The following DNAAF9 variants were observed in gnomAD, a reference collection of about 807,000 sequenced individuals.
DNAAF9 encodes dynein axonemal assembly factor 9.
Under a neutral mutation model 167.0 loss-of-function variants are expected in DNAAF9, and 90 were observed. That is an observed-to-expected ratio of 0.54 (90% CI 0.45 to 0.64). DNAAF9 has a LOEUF of 0.64. DNAAF9 is among the 30% of genes least tolerant of loss of function. DNAAF9 has a pLI of 0.00. For missense variants in DNAAF9, 1,315 were observed against 1,442.2 expected (o/e 0.91, Z 1.43); for synonymous variants, 491 against 508.8 (o/e 0.96, Z 0.47).
chr20:3,291,088 C>T (rs1345537200), intron 25 of DNAAF9, among the ~76,000 whole-genome samples: 1 of 151,930 alleles, frequency 6.6e-6, no homozygotes, highest in Non-Finnish European at 1.5e-5. Context: ...CGCACCTGGC[C>T]GACCAGGGCT....
chr20:3,304,679 C>T, intron 20 of DNAAF9, 136 bp from the exon 21 acceptor site: 2 of 604,044 alleles, frequency 3.3e-6, no homozygotes, highest in Admixed American at 3.2e-5. Flanking sequence ...GTATGCTGAG[C>T]CCTGTGCTCT....
At chr20:3,300,943 A>G (rs541969272) in intron 21 of DNAAF9, among the ~76,000 whole-genome samples, 139 of 151,458 alleles carry the variant, frequency 9.2e-4, no homozygotes, top group Non-Finnish European at 1.5e-3. Context: ...AACAGAGAAG[A>G]AAGTTTTAAA....
chr20:3,330,204 G>T (rs1159624618), intron 12 of DNAAF9, among the ~76,000 whole-genome samples: 2 of 152,152 alleles, frequency 1.3e-5, no homozygotes, highest in African/African-American at 4.8e-5. Context: ...AGAGAAACTT[G>T]GGAAACAACA....
chr20:3,344,590 T>TACACACACACACAC (rs4053351), intron 8 of DNAAF9, among the ~76,000 whole-genome samples: 12 of 144,628 alleles, frequency 8.3e-5, no homozygotes, highest in South Asian at 2.2e-4. Flanking sequence ...TACACACACA[T>TACACACACACACAC]ACACACACAC....
At chr20:3,304,396 G>A (rs371506818) in intron 21 of DNAAF9, 44 bp downstream of exon 21, 2 of 867,118 alleles carry the variant, frequency 2.3e-6, no homozygotes, top group Non-Finnish European at 4.0e-6. Context: ...AAAAGTGTGA[G>A]CAACTTTCCG....
At chr20:3,286,377 T>C (rs1029926791) in intron 27 of DNAAF9, among the ~76,000 whole-genome samples, 6 of 152,172 alleles carry the variant, frequency 3.9e-5, no homozygotes, top group Admixed American at 3.9e-4. Context: ...AAATCAGTGA[T>C]GCTCTCCGAA....
chr20:3,310,389 G>GAAAGAAAGAATT (rs973030792), intron 20 of DNAAF9, among the ~76,000 whole-genome samples: 2 of 149,846 alleles, frequency 1.3e-5, no homozygotes, highest in Admixed American at 1.3e-4. Context: ...AAGAAAGAAA[G>GAAAGAAAGAATT]AATTCCTAAA....
chr20:3,369,984 A>T (rs62208104), intron 6 of DNAAF9, among the ~76,000 whole-genome samples: 3 of 151,328 alleles, frequency 2.0e-5, no homozygotes. Flanking sequence ...AAAAAAAAAA[A>T]TTGATCTTTT....
At position 3,315,856 on chromosome 20, in the gene DNAAF9, T is replaced by C; in HGVS notation, c.1540-71A>G. 1.8e-6 allele frequency: 2 copies of C among 1,128,168 alleles called. No individual in the cohort carries two copies. The allele number at this position is 1,128,168 out of a possible 1,614,324, so 69.9% of individuals were successfully genotyped here. ...AAAACCCTGCTAGGTCTCCCCACTG[T>C]GTTCAAATATTTCCAGGACACTGGC... On this transcript the variant is annotated intron_variant, in intron 18 of 36. Transcript: ENST00000252032. This position sits in a 1 kb window ranked among gnomAD's most constrained non-coding sequence, Gnocchi z 4.1.
At chr20:3,376,982 T>G (rs1600888155) in intron 3 of DNAAF9, among the ~76,000 whole-genome samples, 1 of 151,736 alleles carries the variant, frequency 6.6e-6, no homozygotes, top group South Asian at 2.1e-4. Context: ...GGCAGGAGAG[T>G]CATTTGAACC....
chr20:3,383,231 T>C (rs2083686231), intron 1 of DNAAF9, among the ~76,000 whole-genome samples: 1 of 149,822 alleles, frequency 6.7e-6, no homozygotes, highest in African/African-American at 2.5e-5. Context: ...CCTCATCATC[T>C]CCAGGTCCAG....
intron 6 of DNAAF9, among the ~76,000 whole-genome samples, chr20:3,366,924 CAAAAATTAAAAAAAAA>C (rs2083439465): frequency 7.0e-6 from 1 of 142,056 alleles, no homozygotes; most frequent in Admixed American, 7.1e-5. Flanking sequence ...GACTCTGCCT[CAAAAATTAAAAAAAAA>C]AAAAATTAAA....
At chr20:3,334,944 C>A (rs980745039) in intron 10 of DNAAF9, among the ~76,000 whole-genome samples, 5 of 152,170 alleles carry the variant, frequency 3.3e-5, no homozygotes, top group Non-Finnish European at 7.3e-5. Context: ...CATGACTATC[C>A]CTTCATCTAG....
At chr20:3,256,670 A>G (rs1489003526) in intron 33 of DNAAF9, among the ~76,000 whole-genome samples, 2 of 152,232 alleles carry the variant, frequency 1.3e-5, no homozygotes, top group Non-Finnish European at 2.9e-5. Context: ...GTGGGAGAAG[A>G]GGAAGAGTTT....
intron 1 of DNAAF9, among the ~76,000 whole-genome samples, chr20:3,392,873 A>T (rs1266727544): frequency 6.6e-6 from 1 of 152,258 alleles, no homozygotes; most frequent in Non-Finnish European, 1.5e-5. Context: ...TGAATGTTTT[A>T]CAAAGTGAAT....
At chr20:3,325,032 T>C (rs1568605400) in intron 13 of DNAAF9, 64 bp from the exon 14 acceptor site, 3 of 891,284 alleles carry the variant, frequency 3.4e-6, no homozygotes, top group Non-Finnish European at 5.8e-6. Flanking sequence ...ATATCACTGA[T>C]GGAAGGGCCC....
intron 25 of DNAAF9, among the ~76,000 whole-genome samples, chr20:3,292,493 G>A (rs1396989263): frequency 2.0e-5 from 3 of 152,096 alleles, no homozygotes; most frequent in South Asian, 2.1e-4. Flanking sequence ...TGGGCTGGGC[G>A]CGGTGGCTCA....
intron 1 of DNAAF9, among the ~76,000 whole-genome samples, chr20:3,398,753 T>A (rs1320476223): frequency 6.6e-6 from 1 of 152,210 alleles, no homozygotes; most frequent in Non-Finnish European, 1.5e-5. Context: ...TAAAAAGAGC[T>A]CATTGCAGGA....
intron 10 of DNAAF9, among the ~76,000 whole-genome samples, chr20:3,338,434 T>C (rs893720305): frequency 6.6e-6 from 1 of 152,172 alleles, no homozygotes; most frequent in Non-Finnish European, 1.5e-5. Context: ...GAAGTTTGAA[T>C]AGGATAGGCC....
Sources: allele counts gnomAD v4.1 joint callset (sites outside exome capture counted in the v4.1 genomes callset), GRCh38; gene constraint gnomAD v4.1.1; non-coding constraint Gnocchi (gnomAD v3.1); transcripts MANE v1.5; gene names NCBI Gene and HGNC (gene_info 2026-07-23, HGNC 2026-07-21).